Variants in ARID4B observed in about 807,000 individuals in gnomAD.
ARID4B encodes the protein AT-rich interaction domain 4B.
In ARID4B, 26 loss-of-function variants were observed where a neutral mutation model predicts 147.5. The ratio of observed to expected loss-of-function variants is 0.18; its 90% CI spans 0.13 to 0.24. ARID4B has a LOEUF of 0.24. ARID4B is among the 10% of genes least tolerant of loss of function. ARID4B has a pLI of 1.00. For missense variants in ARID4B, 1,179 were observed against 1,511.5 expected (o/e 0.78, Z 3.65); for synonymous variants, 512 against 507.9 (o/e 1.01, Z -0.11).
At chr1:235,198,589 T>A (rs1352301317) in intron 17 of ARID4B, among the ~76,000 whole-genome samples, 3 of 152,216 alleles carry the variant, frequency 2.0e-5, no homozygotes, top group African/African-American at 7.2e-5. Context: ...AAATCCTATA[T>A]GGTAATCATG....
At chr1:235,228,114 C>T (rs1028927815) in intron 11 of ARID4B, among the ~76,000 whole-genome samples, 1 of 151,556 alleles carries the variant, frequency 6.6e-6, no homozygotes, top group Non-Finnish European at 1.5e-5. Context: ...GATTAGTCAT[C>T]CCAGCATGAG....
Position 235,229,314 on chromosome 1 carries a change from C to A in ARID4B, c.814G>T (p.Asp272Tyr). The A allele has an allele frequency of 6.2e-7, 1 of 1,613,654 alleles. No homozygotes were observed. The highest frequency in any genetic ancestry group is 8.5e-7 in the Non-Finnish European group (1 of 1,179,850). Reference sequence around the variant, plus strand: ...TCCTCTGCTTCACTGCTAGAGCTATCTTCTTTCAATTCAGTCTTCCAGTTA... The same window carrying A: ...TCCTCTGCTTCACTGCTAGAGCTATATTCTTTCAATTCAGTCTTCCAGTTA... ...PANWKTELKE[D>Y]SSSSEAEEEE... is the part of the protein sequence containing the mutation. The change falls in exon 11 of 24, where the codon GAT (aspartate) becomes TAT (tyrosine). Residue 272 changes from aspartate (D) to tyrosine (Y), a missense_variant. Asp to Tyr is a radical substitution (Grantham distance 160, BLOSUM62 -3). Coordinates refer to ENST00000264183, the MANE Select transcript of ARID4B (RefSeq NM_016374.6).
intron 2 of ARID4B, among the ~76,000 whole-genome samples, chr1:235,316,504 G>A (rs764678580): frequency 6.6e-6 from 1 of 151,252 alleles, no homozygotes; most frequent in African/African-American, 2.4e-5. Flanking sequence ...GCAAGACTTC[G>A]TCTCAAAAAA....
At chr1:235,269,881 TA>T (rs1348932545) in intron 2 of ARID4B, among the ~76,000 whole-genome samples, 1 of 152,216 alleles carries the variant, frequency 6.6e-6, no homozygotes, top group Non-Finnish European at 1.5e-5. Context: ...ATTTTTCTAT[TA>T]ATTATCTATT....
intron 2 of ARID4B, among the ~76,000 whole-genome samples, chr1:235,321,654 G>A (rs1674847039): frequency 6.6e-6 from 1 of 152,004 alleles, no homozygotes. Context: ...ACCAAGCCTG[G>A]CTAATTTCTA....
intron 17 of ARID4B, among the ~76,000 whole-genome samples, chr1:235,196,783 C>A (rs368002611): frequency 6.6e-4 from 95 of 142,864 alleles, no homozygotes; most frequent in African/African-American, 2.4e-3. Context: ...AACCCAGGAG[C>A]GGAGCTTGCA....
rs921235009 is a variant in ARID4B, at chr1:235,287,997, C to A, written c.7-27245G>T. 2.6e-5 allele frequency among the ~76,000 whole-genome samples: 4 copies of A among 152,258 alleles called. No homozygotes were observed. In the South Asian group the frequency reaches 6.2e-4, roughly 24 times the overall value. On this transcript the variant is annotated intron_variant, in intron 2 of 23. Transcript: ENST00000264183. ...GTTGTACAGTCTATGAGCATATTAT[C>A]CTTGTAAAAATAATAAAACATTAAT...
rs942292637 is a variant in ARID4B at position 235,304,530 on chromosome 1, G to GT, written c.6+22383dup. ...AAGCTGCCTACTTAAAAAGTGAACT[G>GT]TATCTTAGAGATTAAGACAGATTCA... On this transcript the variant is annotated intron_variant, in intron 2 of 23. Transcript: ENST00000264183. Among the ~76,000 whole-genome samples, 194 of 152,216 alleles carry GT rather than the reference G, an allele frequency of 1.3e-3. 1 individual carries two copies. Among genetic ancestry groups the GT allele is most frequent in the African/African-American group, 4.6e-3 (190 of 41,538 alleles).
chr1:235,296,846 G>GGAGGA (rs1553313981), intron 2 of ARID4B, among the ~76,000 whole-genome samples: 38 of 139,578 alleles, frequency 2.7e-4, no homozygotes, highest in South Asian at 7.2e-4. Context: ...AGGGAGGAAG[G>GGAGGA]AGGGAGGGAA....
chr1:235,217,775 T>G (rs1667195128), intron 16 of ARID4B, among the ~76,000 whole-genome samples: 1 of 152,180 alleles, frequency 6.6e-6, no homozygotes, highest in Non-Finnish European at 1.5e-5. Context: ...GAAAAATACC[T>G]ATATATTAAT....
intron 8 of ARID4B, among the ~76,000 whole-genome samples, chr1:235,237,579 T>C (rs1281797668): frequency 6.6e-6 from 1 of 152,164 alleles, no homozygotes; most frequent in Non-Finnish European, 1.5e-5. Flanking sequence ...CTAAAAAGGG[T>C]AAATGGACAT....
intron 2 of ARID4B, among the ~76,000 whole-genome samples, chr1:235,323,144 G>A (rs777555343): frequency 2.0e-5 from 3 of 150,784 alleles, no homozygotes; most frequent in African/African-American, 4.9e-5. Context: ...AGGTTCAAGC[G>A]ATCCTACCTC....
chr1:235,263,047 C>T (rs1670387027), intron 2 of ARID4B, among the ~76,000 whole-genome samples: 1 of 152,120 alleles, frequency 6.6e-6, no homozygotes, highest in Admixed American at 6.5e-5. Context: ...GGTATTACTG[C>T]TATAAAAACC....
At chr1:235,267,251 C>A (rs551958656) in intron 2 of ARID4B, among the ~76,000 whole-genome samples, 5 of 151,990 alleles carry the variant, frequency 3.3e-5, no homozygotes, top group Non-Finnish European at 7.4e-5. Context: ...GCACTCCAGC[C>A]GGGTTGACAG....
chr1:235,277,564 T>TAAC (rs1671401053), intron 2 of ARID4B, among the ~76,000 whole-genome samples: 1 of 149,832 alleles, frequency 6.7e-6, no homozygotes, highest in Non-Finnish European at 1.5e-5. Flanking sequence ...ATAATAATAA[T>TAAC]GTAAATGAGA....
intron 20 of ARID4B, among the ~76,000 whole-genome samples, chr1:235,179,236 T>C (rs1295944821): frequency 6.6e-6 from 1 of 152,068 alleles, no homozygotes; most frequent in Admixed American, 6.6e-5. Flanking sequence ...AAACAGGTGC[T>C]TAAGAACCTA....
At chr1:235,215,923 C>T (rs1370929944) in intron 16 of ARID4B, among the ~76,000 whole-genome samples, 5 of 151,732 alleles carry the variant, frequency 3.3e-5, no homozygotes, top group African/African-American at 1.2e-4. Context: ...AAAAAAACTT[C>T]CTCCACTGAA....
chr1:235,218,338 A>G (rs986538007), intron 16 of ARID4B, among the ~76,000 whole-genome samples: 5 of 152,218 alleles, frequency 3.3e-5, no homozygotes, highest in African/African-American at 1.2e-4. Flanking sequence ...TATTCTATAA[A>G]ATAAGCAGAA....
At chr1:235,327,051 C>A in intron 1 of ARID4B, 83 bp from the exon 2 acceptor site, 1 of 943,454 alleles carries the variant, frequency 1.1e-6, no homozygotes, top group Non-Finnish European at 1.6e-6. Flanking sequence ...AAGCGAGCGA[C>A]GTCCGAACCC....
Sources: allele counts gnomAD v4.1 joint callset (sites outside exome capture counted in the v4.1 genomes callset), GRCh38; gene constraint gnomAD v4.1.1; transcripts MANE v1.5; gene names NCBI Gene and HGNC (gene_info 2026-07-23, HGNC 2026-07-21).